Variants in GFRA1 observed in about 807,000 individuals in gnomAD.
GFRA1 encodes the protein GDNF family receptor alpha 1, also known as GDNF family receptor alpha-1.
GFRA1 carries 16 observed loss-of-function variants against 51.6 expected under a neutral mutation model. The observed-to-expected ratio is 0.31, with a 90% CI of 0.21 to 0.47. The LOEUF is 0.47. Ranked by LOEUF, GFRA1 falls within the 20% of genes least tolerant of loss-of-function variation. The probability of loss-of-function intolerance (pLI) is 1.00; values close to 1 mark genes in which losing one functional copy is unlikely to be tolerated. For synonymous variants in GFRA1, 270 were observed against 241.3 expected (o/e 1.12, Z -1.10); for missense variants, 530 against 594.3 (o/e 0.89, Z 1.13).
chr10:116,229,585 C>T (rs1484775312), intron 4 of GFRA1, among the ~76,000 whole-genome samples: 2 of 152,140 alleles, frequency 1.3e-5, no homozygotes. Flanking sequence ...ACCCTTCCCA[C>T]CCCTCCTTAG....
chr10:116,105,719 A>G (rs1432755185), intron 6 of GFRA1, among the ~76,000 whole-genome samples: 1 of 152,240 alleles, frequency 6.6e-6, no homozygotes, highest in Non-Finnish European at 1.5e-5. Context: ...TTTGGTTCAG[A>G]GATTTCCAGC....
intron 2 of GFRA1, among the ~76,000 whole-genome samples, chr10:116,271,650 T>A (rs373344339): frequency 6.6e-6 from 1 of 152,130 alleles, no homozygotes; most frequent in Non-Finnish European, 1.5e-5. Context: ...CCGGCCCCAA[T>A]GCTCCCCAAC....
At chr10:116,211,774 T>C (rs935437002) in intron 4 of GFRA1, 129 bp from the exon 5 acceptor site, 29 of 741,520 alleles carry the variant, frequency 3.9e-5, no homozygotes, top group Non-Finnish European at 6.4e-5. Flanking sequence ...TCTATGCATA[T>C]TTCCTTTAAC....
chr10:116,083,941 C>T (rs759538000), intron 9 of GFRA1, among the ~76,000 whole-genome samples: 1 of 152,104 alleles, frequency 6.6e-6, no homozygotes, highest in Non-Finnish European at 1.5e-5. Flanking sequence ...CTACAAGTAC[C>T]TGTTTTCTAA....
At chr10:116,097,846 C>T (rs1246616185) in intron 6 of GFRA1, among the ~76,000 whole-genome samples, 1 of 152,194 alleles carries the variant, frequency 6.6e-6, no homozygotes, top group Non-Finnish European at 1.5e-5. Flanking sequence ...ATTTTCTTGG[C>T]ACACTTTATG....
chr10:116,094,977 G>A (rs934677031), intron 7 of GFRA1, among the ~76,000 whole-genome samples: 2 of 152,182 alleles, frequency 1.3e-5, no homozygotes, highest in Non-Finnish European at 1.5e-5. Context: ...AGTTGGGGAG[G>A]AGATCCAGAC....
Position 116,270,923 on chromosome 10 carries a change from G to A in GFRA1, c.233C>T (p.Ala78Val). Residue 78 changes from alanine to valine, a missense_variant, in exon 3 of 11, where the codon GCC (alanine) becomes GTC (valine). Transcript: ENST00000355422. Reference protein sequence around the residue: ...AKDECRSAMEALKQKSLYNCR... With the variant: ...AKDECRSAMEVLKQKSLYNCR... ...GTTGTAGAGCGACTTCTGCTTCAGGGCCTCCATGGCGCTGCGGCACTCATC... is the reference window on the plus strand; with the variant it reads ...GTTGTAGAGCGACTTCTGCTTCAGGACCTCCATGGCGCTGCGGCACTCATC... The A allele has an allele frequency of 1.9e-6, 3 of 1,614,120 alleles. No individual in the cohort carries two copies. Among genetic ancestry groups the A allele is most frequent in the South Asian group, 1.1e-5 (1 of 91,092 alleles).
At chr10:116,186,039 G>A (rs1161994475) in intron 5 of GFRA1, among the ~76,000 whole-genome samples, 8 of 152,116 alleles carry the variant, frequency 5.3e-5, no homozygotes, top group Admixed American at 2.6e-4. Flanking sequence ...AGGTGGGAGA[G>A]CAAGAACCAA....
At chr10:116,222,603 G>A (rs1437605480) in intron 4 of GFRA1, among the ~76,000 whole-genome samples, 1 of 152,224 alleles carries the variant, frequency 6.6e-6, no homozygotes, top group African/African-American at 2.4e-5. Flanking sequence ...ATATGGGGCT[G>A]TTGTGAAGAT....
intron 5 of GFRA1, among the ~76,000 whole-genome samples, chr10:116,129,855 T>A (rs1272233747): frequency 6.6e-6 from 1 of 151,962 alleles, no homozygotes; most frequent in Non-Finnish European, 1.5e-5. Flanking sequence ...TCAGAGTATT[T>A]AGGATTTTTT....
intron 4 of GFRA1, among the ~76,000 whole-genome samples, chr10:116,211,852 A>G (rs1257175469): frequency 1.3e-5 from 2 of 152,214 alleles, no homozygotes; most frequent in Non-Finnish European, 2.9e-5. Context: ...CTGGCCTCAC[A>G]CTTACTAACT....
At position 116,264,986 on chromosome 10, in the gene GFRA1, T is replaced by A. The variant is rs564354611; in HGVS notation, c.418+4517A>T. ...GATGTTACAAGGCTCTTCTCCAACATGTAGACTTTGTGATAACTTTTTAAA... is the reference window on the plus strand; with the variant it reads ...GATGTTACAAGGCTCTTCTCCAACAAGTAGACTTTGTGATAACTTTTTAAA... On this transcript the variant is annotated intron_variant, in intron 4 of 10. Transcript: ENST00000355422. Among the ~76,000 whole-genome samples, 37 of 152,352 alleles carry A rather than the reference T, an allele frequency of 2.4e-4. No individual in the cohort carries two copies. In the South Asian group the frequency reaches 7.0e-3, roughly 29 times the overall value.
At chr10:116,075,261 A>C (rs1955567807) in intron 9 of GFRA1, among the ~76,000 whole-genome samples, 2 of 152,182 alleles carry the variant, frequency 1.3e-5, no homozygotes, top group Admixed American at 6.5e-5. Flanking sequence ...TGAGTGATCA[A>C]ACAATTGGTC....
chr10:116,199,068 G>A (rs554237434), intron 5 of GFRA1, among the ~76,000 whole-genome samples: 4 of 152,286 alleles, frequency 2.6e-5, no homozygotes, highest in South Asian at 2.1e-4. Context: ...AGCTGGAAGC[G>A]GCCGGGACAG....
intron 4 of GFRA1, among the ~76,000 whole-genome samples, chr10:116,226,483 G>A (rs949303082): frequency 6.6e-6 from 1 of 151,888 alleles, no homozygotes; most frequent in African/African-American, 2.4e-5. Flanking sequence ...CATCCGTGAG[G>A]GCATCCCCCT....
intron 5 of GFRA1, among the ~76,000 whole-genome samples, chr10:116,142,762 C>T (rs1012536910): frequency 1.8e-4 from 27 of 152,170 alleles, no homozygotes; most frequent in African/African-American, 6.5e-4. Flanking sequence ...GATCAAGAAA[C>T]ATCAACAGTA....
chr10:116,246,093 T>A (rs1967844051), intron 4 of GFRA1, among the ~76,000 whole-genome samples: 1 of 152,152 alleles, frequency 6.6e-6, no homozygotes, highest in African/African-American at 2.4e-5. Context: ...TTAATGATAA[T>A]GCATCAATGA....
rs183245964 is a variant in GFRA1 at position 116,059,088 on chromosome 10, A to T, written c.*5310T>A. ...CCTTTCTCCTAGGTCACCCTCAAAA[A>T]CCTCAGGAGGACACATTCAGGGTCA... On this transcript the variant is annotated 3_prime_UTR_variant, in exon 11 of 11. Transcript: ENST00000355422. 1 of 152,184 alleles carries T rather than the reference A, an allele frequency of 6.6e-6. No homozygotes were observed. The highest frequency in any genetic ancestry group is 6.5e-5 in the Admixed American group (1 of 15,286). 9.4% of individuals were successfully genotyped at this position (152,184 alleles called of 1,614,324 possible).
At chr10:116,236,522 C>T (rs1274891948) in intron 4 of GFRA1, among the ~76,000 whole-genome samples, 1 of 152,080 alleles carries the variant, frequency 6.6e-6, no homozygotes, top group Admixed American at 6.5e-5. Context: ...TGAGAAAAAA[C>T]AGACCCAGAA....
Sources: gnomAD v4.1 joint callset for allele counts (sites outside exome capture counted in the v4.1 genomes callset) on GRCh38, gnomAD v4.1.1 for gene constraint, MANE v1.5 for transcripts, NCBI Gene and HGNC (gene_info 2026-07-23, HGNC 2026-07-21) for gene names.